RNLS: variants seen among roughly 807,000 people sequenced by gnomAD.
RNLS encodes the protein renalase, FAD dependent amine oxidase.
RNLS carries 39 observed loss-of-function variants against 39.8 expected under a neutral mutation model. The ratio of observed to expected loss-of-function variants is 0.98; its 90% CI spans 0.76 to 1.28. The LOEUF (loss-of-function observed/expected upper bound fraction) is 1.28. RNLS is among the 50% of genes most tolerant of loss of function. RNLS has a pLI of 0.00. For synonymous variants in RNLS, 147 were observed against 150.7 expected (o/e 0.98, Z 0.18); for missense variants, 410 against 413.3 (o/e 0.99, Z 0.07).
the RNLS span, among the ~76,000 whole-genome samples, chr10:88,241,048 T>A: frequency 9.3e-5 from 14 of 151,142 alleles, no homozygotes; most frequent in East Asian, 1.9e-4. Flanking sequence ...TCTATGATAT[T>A]TATATATATA....
intron 4 of RNLS, among the ~76,000 whole-genome samples, chr10:88,462,080 T>C (rs1842956283): frequency 6.6e-6 from 1 of 152,104 alleles, no homozygotes; most frequent in Non-Finnish European, 1.5e-5. Context: ...CTTCTATTAC[T>C]CTTGAGAATA....
the RNLS span, among the ~76,000 whole-genome samples, chr10:88,174,939 T>A: frequency 6.6e-6 from 1 of 152,214 alleles, no homozygotes; most frequent in African/African-American, 2.4e-5. Context: ...TCTTGTTACT[T>A]GTTATTGGAC....
chr10:88,203,452 GTGTGTATATATATATATATATATATATA>G, the RNLS span, among the ~76,000 whole-genome samples: 3 of 578 alleles, frequency 5.2e-3, 1 homozygote, highest in African/African-American at 0.038. Flanking sequence ...GTGTGTGTGT[GTGTGTATATATATATATATATATATATA>G]TATATATATA....
At chr10:88,439,010 G>T (rs1457761690) in intron 4 of RNLS, among the ~76,000 whole-genome samples, 1 of 152,176 alleles carries the variant, frequency 6.6e-6, no homozygotes, top group African/African-American at 2.4e-5. Context: ...GCACCAACAG[G>T]CAAAAGTGAA....
intron 4 of RNLS, among the ~76,000 whole-genome samples, chr10:88,384,197 C>T (rs1272209056): frequency 6.6e-6 from 1 of 152,108 alleles, no homozygotes; most frequent in Non-Finnish European, 1.5e-5. Context: ...ATAGACTATT[C>T]TCTTATGTCC....
intron 4 of RNLS, among the ~76,000 whole-genome samples, chr10:88,549,855 A>G (rs1848525220): frequency 6.6e-6 from 1 of 152,260 alleles, no homozygotes; most frequent in Admixed American, 6.5e-5. Flanking sequence ...TCTGTTTTTT[A>G]AAACTTCTCC....
intron 4 of RNLS, among the ~76,000 whole-genome samples, chr10:88,412,976 G>T (rs894074553): frequency 1.3e-5 from 2 of 152,152 alleles, no homozygotes; most frequent in South Asian, 2.1e-4. Flanking sequence ...TGTTGATGAT[G>T]TCCAGCCCCA....
At chr10:88,404,943 A>G (rs1320808365) in intron 4 of RNLS, among the ~76,000 whole-genome samples, 1 of 152,072 alleles carries the variant, frequency 6.6e-6, no homozygotes, top group Non-Finnish European at 1.5e-5. Context: ...AAATTGGCAA[A>G]TAAATATTCT....
chr10:88,505,364 G>A (rs556394743), intron 4 of RNLS, among the ~76,000 whole-genome samples: 8 of 150,644 alleles, frequency 5.3e-5, no homozygotes, highest in African/African-American at 1.9e-4. Context: ...GAAAGGTAGA[G>A]GAAGAGAGAG....
chr10:88,249,023 A>G, the RNLS span, among the ~76,000 whole-genome samples: 2 of 152,050 alleles, frequency 1.3e-5, no homozygotes, highest in Non-Finnish European at 2.9e-5. Context: ...CCTCTGATCC[A>G]TTTCCTGCCT....
At chr10:88,417,089 C>T (rs1854076477) in intron 4 of RNLS, among the ~76,000 whole-genome samples, 1 of 152,176 alleles carries the variant, frequency 6.6e-6, no homozygotes, top group African/African-American at 2.4e-5. Context: ...CCTTCCTAGA[C>T]TTTATGATAT....
At chr10:88,274,916 A>G (rs925964644) in exon 7 of RNLS, 2 of 1,501,186 alleles carry the variant, frequency 1.3e-6, no homozygotes, top group South Asian at 1.1e-5. Flanking sequence ...TCCTTAAAAA[A>G]AAAAATCAAA....
chr10:88,309,496 C>T (rs1564680560), intron 6 of RNLS: 1 of 1,277,414 alleles, frequency 7.8e-7, no homozygotes, highest in East Asian at 5.6e-5. Flanking sequence ...AAATTCTGCC[C>T]TTCAGCCATT....
At chr10:88,482,588 T>C (rs572362974) in intron 4 of RNLS, among the ~76,000 whole-genome samples, 1 of 152,158 alleles carries the variant, frequency 6.6e-6, no homozygotes. Flanking sequence ...AAATCTGAAT[T>C]TTAGTTCTTT....
At chr10:88,267,305 A>C in the RNLS span, among the ~76,000 whole-genome samples, 2 of 152,214 alleles carry the variant, frequency 1.3e-5, no homozygotes, top group Non-Finnish European at 2.9e-5. Flanking sequence ...GGCTGGGCAC[A>C]GTGGCTCACA....
At chr10:88,445,247 C>A (rs1369693944) in intron 4 of RNLS, among the ~76,000 whole-genome samples, 3 of 152,140 alleles carry the variant, frequency 2.0e-5, no homozygotes, top group Admixed American at 2.0e-4. Flanking sequence ...GAATTAAAAT[C>A]CTTTACAGAC....
the RNLS span, among the ~76,000 whole-genome samples, chr10:88,227,508 T>G: frequency 6.6e-6 from 1 of 152,220 alleles, no homozygotes; most frequent in Non-Finnish European, 1.5e-5. Context: ...GCAGCAGATG[T>G]GTGGCTCAAA....
downstream of RNLS, among the ~76,000 whole-genome samples, chr10:88,271,550 C>T (rs189427316): frequency 2.7e-3 from 418 of 152,218 alleles, 2 homozygotes; most frequent in African/African-American, 9.2e-3. Flanking sequence ...GCAAAACTTC[C>T]GTGACAGCAA....
intron 5 of RNLS, among the ~76,000 whole-genome samples, chr10:88,354,102 T>C (rs1005334164): frequency 6.6e-6 from 1 of 152,232 alleles, no homozygotes; most frequent in Non-Finnish European, 1.5e-5. Flanking sequence ...TTTGAGCCTA[T>C]GTGTGTCTCT....
Sources: allele counts gnomAD v4.1 joint callset (sites outside exome capture counted in the v4.1 genomes callset), GRCh38; gene constraint gnomAD v4.1.1; transcripts MANE v1.5; gene names NCBI Gene and HGNC (gene_info 2026-07-23, HGNC 2026-07-21).